GRM7: variants seen among roughly 807,000 people sequenced by gnomAD.
GRM7 encodes metabotropic glutamate receptor 7.
GRM7 carries 35 observed loss-of-function variants against 84.5 expected under a neutral mutation model. That is an observed-to-expected ratio of 0.41 (90% CI 0.32 to 0.55). The LOEUF is 0.55. Ranked by LOEUF, GRM7 falls within the 20% of genes least tolerant of loss-of-function variation. The pLI, the probability that GRM7 is intolerant of heterozygous loss-of-function variation, is 0.19. For synonymous variants in GRM7, 487 were observed against 455.1 expected (o/e 1.07, Z -0.89); for missense variants, 1,003 against 1,194.6 (o/e 0.84, Z 2.36).
At chr3:7,213,973 T>G (rs1420541520) in intron 2 of GRM7, among the ~76,000 whole-genome samples, 1 of 152,214 alleles carries the variant, frequency 6.6e-6, no homozygotes, top group Non-Finnish European at 1.5e-5. Context: ...TTTGACTTCT[T>G]GCTAAGTATC....
intron 1 of GRM7, among the ~76,000 whole-genome samples, chr3:6,867,343 T>C (rs1373033368): frequency 6.6e-6 from 1 of 152,156 alleles, no homozygotes; most frequent in Non-Finnish European, 1.5e-5. Context: ...TCGATGTCCT[T>C]CTCTTCCCAA....
intron 2 of GRM7, among the ~76,000 whole-genome samples, chr3:7,245,569 G>T (rs1697727845): frequency 1.3e-5 from 2 of 151,996 alleles, no homozygotes; most frequent in Admixed American, 1.3e-4. Flanking sequence ...ATCTAGAGTT[G>T]TATATCCACA....
intron 1 of GRM7, among the ~76,000 whole-genome samples, chr3:7,105,799 A>G (rs561326351): frequency 6.9e-4 from 105 of 151,992 alleles, no homozygotes; most frequent in Non-Finnish European, 1.0e-3. Flanking sequence ...TATTTTCTAT[A>G]TATGGTATTT....
chr3:7,241,545 C>T (rs1173022476), intron 2 of GRM7, among the ~76,000 whole-genome samples: 1 of 152,050 alleles, frequency 6.6e-6, no homozygotes, highest in Non-Finnish European at 1.5e-5. Flanking sequence ...AGATGATTTA[C>T]TTTTGTATTA....
chr3:7,300,661 CT>C (rs1341443386), intron 3 of GRM7, among the ~76,000 whole-genome samples: 1 of 152,128 alleles, frequency 6.6e-6, no homozygotes, highest in Non-Finnish European at 1.5e-5. Flanking sequence ...TTCTTTCCCC[CT>C]CCCTGGCCCA....
chr3:7,718,737 G>A (rs1701843886), intron 9 of GRM7, among the ~76,000 whole-genome samples: 1 of 152,166 alleles, frequency 6.6e-6, no homozygotes. Flanking sequence ...TTGGGAGGTG[G>A]TTGACATATT....
intron 4 of GRM7, among the ~76,000 whole-genome samples, chr3:7,407,610 T>C (rs1695739030): frequency 1.3e-5 from 2 of 152,212 alleles, no homozygotes; most frequent in South Asian, 4.1e-4. Context: ...AATTTATAGA[T>C]GAGGAAAAGT....
At chr3:7,163,101 A>T (rs1488425971) in intron 2 of GRM7, among the ~76,000 whole-genome samples, 3 of 151,988 alleles carry the variant, frequency 2.0e-5, no homozygotes, top group Non-Finnish European at 2.9e-5. Flanking sequence ...CCTATTCTGC[A>T]TCTTCCTCCT....
At chr3:7,022,217 C>G (rs1695801573) in intron 1 of GRM7, among the ~76,000 whole-genome samples, 1 of 151,800 alleles carries the variant, frequency 6.6e-6, no homozygotes, top group African/African-American at 2.4e-5. Context: ...GTCCCAGCTA[C>G]TCAGGAGCTG....
At chr3:6,955,365 C>T (rs571537226) in intron 1 of GRM7, among the ~76,000 whole-genome samples, 3 of 151,908 alleles carry the variant, frequency 2.0e-5, no homozygotes, top group Admixed American at 6.6e-5. Context: ...GGTGAAGCCC[C>T]GTCTCTACTA....
chr3:7,054,930 G>A lies in GRM7; in HGVS notation c.520-91522G>A, dbSNP rs757221920. ...ATGTTCTAGAATCTCTCCAGGCAGT[G>A]GCAGTGAGCTGGGGAATTGCAAGGC... On this transcript the variant is annotated intron_variant, in intron 1 of 9. Transcript: ENST00000357716. 6.6e-5 allele frequency among the ~76,000 whole-genome samples: 10 copies of A among 152,070 alleles called. No homozygotes were observed. In the South Asian group the frequency reaches 1.0e-3, roughly 16 times the overall value.
chr3:7,050,295 C>G (rs898200181), intron 1 of GRM7, among the ~76,000 whole-genome samples: 5 of 151,816 alleles, frequency 3.3e-5, no homozygotes, highest in African/African-American at 1.2e-4. Flanking sequence ...TGTTCTAAAA[C>G]AAAAGCTTTG....
chr3:7,647,907 T>C (rs934601716), intron 8 of GRM7, among the ~76,000 whole-genome samples: 1 of 152,226 alleles, frequency 6.6e-6, no homozygotes, highest in Non-Finnish European at 1.5e-5. Context: ...CTTGAGATGC[T>C]ATCCACTTCC....
At chr3:7,295,569 TATAG>T (rs1165934260) in intron 2 of GRM7, among the ~76,000 whole-genome samples, 1 of 152,218 alleles carries the variant, frequency 6.6e-6, no homozygotes, top group Non-Finnish European at 1.5e-5. Flanking sequence ...GCATTGAATC[TATAG>T]ATAGATTTGG....
At chr3:7,076,467 G>A (rs994541454) in intron 1 of GRM7, among the ~76,000 whole-genome samples, 1 of 152,076 alleles carries the variant, frequency 6.6e-6, no homozygotes, top group African/African-American at 2.4e-5. Flanking sequence ...CTGCTTTCCT[G>A]TCTCTCGCCT....
intron 2 of GRM7, among the ~76,000 whole-genome samples, chr3:7,287,929 AG>A (rs1160434305): frequency 4.6e-5 from 7 of 152,180 alleles, no homozygotes; most frequent in African/African-American, 1.7e-4. Flanking sequence ...TAGCATGCAG[AG>A]GTCCCTAATT....
chr3:7,153,173 C>T (rs534285140), intron 2 of GRM7, among the ~76,000 whole-genome samples: 5 of 144,926 alleles, frequency 3.5e-5, no homozygotes, highest in Admixed American at 2.1e-4. Flanking sequence ...TTCTGACCAC[C>T]GAGCCTCCTT....
At chr3:7,318,880 C>T (rs2125050578) in intron 4 of GRM7, among the ~76,000 whole-genome samples, 1 of 152,154 alleles carries the variant, frequency 6.6e-6, no homozygotes, top group East Asian at 1.9e-4. Flanking sequence ...ACTCCATCCT[C>T]TTTAATATTG....
intron 4 of GRM7, among the ~76,000 whole-genome samples, chr3:7,397,026 C>G (rs1006945492): frequency 6.6e-6 from 1 of 152,014 alleles, no homozygotes; most frequent in African/African-American, 2.4e-5. Context: ...CCCATGGGTT[C>G]CATTTTCCTA....
Sources: allele counts gnomAD v4.1 joint callset (sites outside exome capture counted in the v4.1 genomes callset), GRCh38; gene constraint gnomAD v4.1.1; transcripts MANE v1.5; gene names NCBI Gene and HGNC (gene_info 2026-07-23, HGNC 2026-07-21).